Variants in PCLO observed in about 807,000 individuals in gnomAD.
PCLO encodes protein piccolo.
A neutral mutation model predicts 427.5 loss-of-function variants in PCLO; 82 were observed. The ratio of observed to expected loss-of-function variants is 0.19; its 90% confidence interval spans 0.16 to 0.23. The LOEUF is 0.23. Ranked by LOEUF, PCLO falls within the 10% of genes least tolerant of loss-of-function variation. The pLI is 1.00. For synonymous variants in PCLO, 2,357 were observed against 2,155.4 expected, an observed-to-expected ratio of 1.09 and a Z score of -2.59; for missense variants, 6,239 against 6,115.9, an observed-to-expected ratio of 1.02 and a Z score of -0.67.
In PCLO at chr7:82,949,455, AC is replaced by A. The variant is rs774657926; in HGVS notation, c.11112+20del. On this transcript the variant is annotated intron_variant, in intron 6 of 24. Coordinates refer to ENST00000333891, the MANE Select transcript of PCLO (RefSeq NM_033026.6). ...TTAATAACTCATCCATTGCCTTCCAACTGAAAAGAATCACTCTTACCGTATA... is the reference window on the plus strand; with the variant it reads ...TTAATAACTCATCCATTGCCTTCCAATGAAAAGAATCACTCTTACCGTATA... The A allele has an allele frequency of 6.6e-7, 1 of 1,524,704 alleles. No individual in the cohort carries two copies. Among genetic ancestry groups the A allele is most frequent in the Non-Finnish European group, 8.8e-7 (1 of 1,132,488 alleles). The allele number at this position is 1,524,704 out of a possible 1,614,324, so 94.4% of individuals were successfully genotyped here.
rs1792272252 is a variant in PCLO, at chr7:83,155,664, G to A, written c.977C>T (p.Pro326Leu). 1 of 1,613,994 alleles carries A rather than the reference G, an allele frequency of 6.2e-7. No homozygotes were observed. The highest frequency in any genetic ancestry group is 8.5e-7 in the Non-Finnish European group (1 of 1,179,902). ...AQQPGHEKSQPGPAKPPAQPS... is the reference protein window; with the variant it reads ...AQQPGHEKSQLGPAKPPAQPS... ...CTGAGCTGGGGGCTTTGCAGGCCCA[G>A]GCTGTGATTTTTCATGTCCAGGCTG... The change falls in exon 2 of 25, where the codon CCT becomes CTT. Residue 326 changes from proline (P) to leucine (L), a missense_variant. Physicochemically the swap from Pro to Leu is moderately conservative, Grantham distance 98. Around this residue, in one of 5 missense-constraint regions of PCLO, gnomAD observed 4,677 missense variants for 4,468.4 expected, o/e 1.05. Coordinates refer to ENST00000333891, the MANE Select transcript of PCLO (RefSeq NM_033026.6).
At chr7:83,038,863 G>A (rs1788899698) in intron 3 of PCLO, among the ~76,000 whole-genome samples, 1 of 151,886 alleles carries the variant, frequency 6.6e-6, no homozygotes, top group East Asian at 1.9e-4. Flanking sequence ...TTAGGGATGG[G>A]TTTGATTTCT....
chr7:82,805,318 T>G (rs1791435427), intron 21 of PCLO, among the ~76,000 whole-genome samples: 1 of 152,190 alleles, frequency 6.6e-6, no homozygotes, highest in Non-Finnish European at 1.5e-5. Flanking sequence ...ATCTCCTGAT[T>G]CAAGGTAAAT....
chr7:82,910,356 C>A (rs946334745), intron 7 of PCLO, among the ~76,000 whole-genome samples: 2 of 152,098 alleles, frequency 1.3e-5, no homozygotes, highest in Non-Finnish European at 2.9e-5. Context: ...CACTACTCAA[C>A]TCTATACCTC....
intron 1 of PCLO, among the ~76,000 whole-genome samples, chr7:83,160,414 T>C (rs1205619746): frequency 6.6e-6 from 1 of 152,148 alleles, no homozygotes; most frequent in Non-Finnish European, 1.5e-5. Flanking sequence ...CTCTATAACT[T>C]TAAAAGTCTA....
chr7:82,823,026 A>C (rs1267481805), intron 19 of PCLO, among the ~76,000 whole-genome samples: 1 of 152,168 alleles, frequency 6.6e-6, no homozygotes, highest in African/African-American at 2.4e-5. Context: ...ACACAGGAGG[A>C]GTTTTAAGCA....
intron 1 of PCLO, among the ~76,000 whole-genome samples, chr7:83,162,129 T>G (rs1563001141): frequency 6.6e-6 from 1 of 152,186 alleles, no homozygotes; most frequent in East Asian, 1.9e-4. Context: ...GTTCCAAGAA[T>G]GTAACCCTTG....
In PCLO at chr7:82,991,053, C is replaced by T. The variant is rs574335374; in HGVS notation, c.3301-24566G>A. On this transcript the variant is annotated intron_variant, in intron 3 of 24. Transcript: ENST00000333891. ...TTATTCTATTTAATTATTCAATAAA[C>T]GTTGATGAACAAGAATGTTATTCAT... Among the ~76,000 whole-genome samples, 61 of 152,144 alleles carry T rather than the reference C, an allele frequency of 4.0e-4. No homozygotes were observed. The South Asian group carries it at 0.01, about 25-fold the overall frequency.
At chr7:82,845,194 A>G (rs1465022021) in intron 13 of PCLO, 77 bp downstream of exon 13, 3 of 951,632 alleles carry the variant, frequency 3.2e-6, no homozygotes, top group Non-Finnish European at 4.8e-6. Context: ...TTAGAAAATG[A>G]TATTTTATTT....
intron 2 of PCLO, among the ~76,000 whole-genome samples, chr7:83,136,532 A>G (rs2116623640): frequency 6.6e-6 from 1 of 152,254 alleles, no homozygotes; most frequent in Non-Finnish European, 1.5e-5. Flanking sequence ...TGACATTCAA[A>G]TATTTTAAAA....
intron 21 of PCLO, 91 bp from the exon 22 acceptor site, chr7:82,801,682 G>A (rs2129468690): frequency 1.3e-6 from 1 of 747,268 alleles, no homozygotes. Context: ...GACATTGATA[G>A]TAATGGCAAA....
intron 22 of PCLO, among the ~76,000 whole-genome samples, chr7:82,798,929 C>T (rs1375108195): frequency 6.6e-6 from 1 of 152,112 alleles, no homozygotes; most frequent in Non-Finnish European, 1.5e-5. Flanking sequence ...AACTGTTGAT[C>T]AGGGTCAGTT....
chr7:83,073,211 A>G (rs1485159620), intron 3 of PCLO, among the ~76,000 whole-genome samples: 10 of 152,062 alleles, frequency 6.6e-5, no homozygotes, highest in Non-Finnish European at 1.3e-4. Flanking sequence ...TTAAAAAATT[A>G]GAGATGTCAG....
rs118045681 is a variant in PCLO, at chr7:82,873,353, G to A, written c.13654+5984C>T. On this transcript the variant is annotated intron_variant, in intron 10 of 24. Coordinates refer to ENST00000333891, the MANE Select transcript of PCLO (RefSeq NM_033026.6). ...TCTCATTAGAATCAATGAGATGTAA[G>A]GTGATGCACTGGGCATCTTAATAAG... Among the ~76,000 whole-genome samples the A allele has an allele frequency of 4.6e-3, 692 of 152,056 alleles. 2 individuals are homozygous for A. The highest frequency in any genetic ancestry group is 7.7e-3 in the Non-Finnish European group (520 of 67,972).
chr7:83,112,557 T>C (rs1451029924), intron 3 of PCLO, among the ~76,000 whole-genome samples: 1 of 152,178 alleles, frequency 6.6e-6, no homozygotes, highest in Non-Finnish European at 1.5e-5. Context: ...CATTTAGCCA[T>C]AAATTTCAGA....
chr7:82,827,815 T>G (rs1186983189), intron 17 of PCLO, 58 bp downstream of exon 17: 11 of 940,010 alleles, frequency 1.2e-5, no homozygotes, highest in African/African-American at 3.3e-5. Context: ...TGAATAATTG[T>G]GTTATCACTG....
chr7:82,784,151 G>A (rs1261715472), intron 22 of PCLO, among the ~76,000 whole-genome samples: 1 of 151,960 alleles, frequency 6.6e-6, no homozygotes, highest in Non-Finnish European at 1.5e-5. Flanking sequence ...TTTAAAACTT[G>A]AGCCAGACTG....
At chr7:82,942,226 G>A (rs1246260363) in intron 6 of PCLO, among the ~76,000 whole-genome samples, 2 of 152,122 alleles carry the variant, frequency 1.3e-5, no homozygotes, top group Non-Finnish European at 2.9e-5. Context: ...AAATACATAG[G>A]AATCTAATTA....
In PCLO at chr7:82,952,219, T is replaced by C. The variant is rs559138953; in HGVS notation, c.8734A>G (p.Met2912Val). The change falls in exon 5 of 25, where the codon ATG becomes GTG. Residue 2912 changes from methionine (M) to valine (V), a missense_variant. Met to Val is a conservative substitution (Grantham distance 21). Coordinates refer to ENST00000333891, the MANE Select transcript of PCLO (RefSeq NM_033026.6). ...TTKSHRTVVT[M>V]DESTSSVMTK... Reference sequence around the variant, plus strand: ...ATCACACTTGAAGTAGACTCATCCATTGTTACGACTGTTCTGTGAGACTTG... The same window carrying C: ...ATCACACTTGAAGTAGACTCATCCACTGTTACGACTGTTCTGTGAGACTTG... 1,419 of 1,613,844 alleles carry C rather than the reference T, an allele frequency of 8.8e-4. 26 individuals carry two copies. The South Asian group carries it at 0.015, about 17-fold the overall frequency.
Sources: gnomAD v4.1 joint callset for allele counts (sites outside exome capture counted in the v4.1 genomes callset) on GRCh38, gnomAD v4.1.1 for gene constraint, gnomAD v4.1.1 regional missense constraint, MANE v1.5 for transcripts, NCBI Gene and HGNC (gene_info 2026-07-23, HGNC 2026-07-21) for gene names.